Variants in NFE2L3 observed in about 807,000 individuals in gnomAD.
NFE2L3 encodes nuclear factor erythroid 2-related factor 3.
A neutral mutation model predicts 23.5 loss-of-function variants in NFE2L3; 18 were observed. That is an observed-to-expected ratio of 0.77 (90% CI 0.53 to 1.13). The LOEUF is 1.13. Among genes scored for constraint, NFE2L3 ranks in the 50% most tolerant of loss-of-function variants. The pLI is 0.00. For missense variants in NFE2L3, 1,152 were observed against 877.2 expected (o/e 1.31, Z -3.96); for synonymous variants, 424 against 354.5 (o/e 1.20, Z -2.20).
Position 26,184,554 on chromosome 7 carries a change from C to T in NFE2L3, c.856C>T (p.Pro286Ser). The T allele has an allele frequency of 6.2e-7, 1 of 1,611,492 alleles. No individual in the cohort carries two copies. The highest frequency in any genetic ancestry group is 8.5e-7 in the Non-Finnish European group (1 of 1,178,370). Residue 286 changes from proline (P) to serine (S), a missense_variant, in exon 4 of 4, where the codon CCT (proline) becomes TCT (serine). Coordinates refer to ENST00000056233, the MANE Select transcript of NFE2L3 (RefSeq NM_004289.7). ...TCAGGGCATCTCATTGGGAGATATT[C>T]CTCTTCCAGGCAGTATCAGTGATGG... ...SLEGISLGDI[P>S]LPGSISDGMN... is the part of the protein sequence containing the mutation.
At chr7:26,159,091 T>G (rs1032036786) in intron 1 of NFE2L3, among the ~76,000 whole-genome samples, 1 of 152,142 alleles carries the variant, frequency 6.6e-6, no homozygotes, top group African/African-American at 2.4e-5. Flanking sequence ...GTGGGATGCC[T>G]CCTCTAGCTC....
intron 1 of NFE2L3, among the ~76,000 whole-genome samples, chr7:26,166,930 G>A (rs1050261371): frequency 6.6e-6 from 1 of 152,144 alleles, no homozygotes; most frequent in Non-Finnish European, 1.5e-5. Context: ...TCCTCCAGAT[G>A]AATAAATGAA....
intron 1 of NFE2L3, among the ~76,000 whole-genome samples, chr7:26,165,298 A>G (rs890207782): frequency 2.0e-5 from 3 of 152,282 alleles, no homozygotes; most frequent in East Asian, 1.9e-4. Context: ...ATGTTCTTCC[A>G]TTTGTTTGTG....
rs556162447 is a variant in NFE2L3, at chr7:26,153,575, C to A, written c.570+507C>A. Among the ~76,000 whole-genome samples the A allele has an allele frequency of 3.3e-5, 5 of 152,344 alleles. No homozygotes were observed. The South Asian group carries it at 1.0e-3, about 32-fold the overall frequency. On this transcript the variant is annotated intron_variant, in intron 1 of 3. Coordinates refer to ENST00000056233, the MANE Select transcript of NFE2L3 (RefSeq NM_004289.7). ...TTGCTGCTTCCCTGGATTAAGGAGCCATGGTCAGGGTCTATTCAGAGGCCA... is the reference window on the plus strand; with the variant it reads ...TTGCTGCTTCCCTGGATTAAGGAGCAATGGTCAGGGTCTATTCAGAGGCCA...
rs764307829 is a variant in NFE2L3, at chr7:26,185,619, C to A, written c.1921C>A (p.Leu641Ile). 6.2e-7 allele frequency: 1 copy of A among 1,613,702 alleles called. No homozygotes were observed. The highest frequency in any genetic ancestry group is 1.3e-5 in the African/African-American group (1 of 74,866). The change falls in exon 4 of 4, where the codon CTT becomes ATT. Residue 641 changes from leucine to isoleucine, a missense_variant. Coordinates refer to ENST00000056233, the MANE Select transcript of NFE2L3 (RefSeq NM_004289.7). ...INIMKQKLHD[L>I]YHDIFSRLRD... ...CATAATGAAACAGAAACTGCATGAC[C>A]TTTATCATGATATTTTTAGTAGATT... is the stretch of plus-strand genomic sequence containing the variant.
chr7:26,152,477 C>T lies in NFE2L3; in HGVS notation c.-22C>T. On this transcript the variant is annotated 5_prime_UTR_variant, in exon 1 of 4. Transcript: ENST00000056233. This position sits in a 1 kb window ranked among gnomAD's most constrained non-coding sequence, Gnocchi z 4.4. The stretch of plus-strand genomic sequence containing the variant: ...CGGGACCCGCGGGCGCCGGCAGGGG[C>T]GTTCCCGGGCGCGCGGCGGCGATGA... The T allele has an allele frequency of 7.8e-7, 1 of 1,281,460 alleles. No homozygotes were observed. The highest frequency in any genetic ancestry group is 2.9e-5 in the South Asian group (1 of 34,116). The allele number at this position is 1,281,460 out of a possible 1,614,324, so 79.4% of individuals were successfully genotyped here. A position where few individuals can be genotyped will look rare whatever the true frequency, so the allele number is the denominator to read the frequency against.
rs1347976467 is a variant in NFE2L3 at position 26,183,935 on chromosome 7, T to C, written c.834+151T>C. ...TTCAGCTTAGAATTAACCAAATATGTATAGCATTCCTCTTTCCAAATAATC... is the reference window on the plus strand; with the variant it reads ...TTCAGCTTAGAATTAACCAAATATGCATAGCATTCCTCTTTCCAAATAATC... On this transcript the variant is annotated intron_variant, in intron 3 of 3. Coordinates refer to ENST00000056233, the MANE Select transcript of NFE2L3 (RefSeq NM_004289.7). 13 of 587,446 alleles carry C rather than the reference T, an allele frequency of 2.2e-5. No homozygotes were observed. In the East Asian group the frequency reaches 3.4e-4, roughly 16 times the overall value. 36.4% of individuals were successfully genotyped at this position (587,446 alleles called of 1,614,324 possible).
intron 1 of NFE2L3, among the ~76,000 whole-genome samples, chr7:26,172,524 TAC>T (rs1784341656): frequency 6.6e-6 from 1 of 152,238 alleles, no homozygotes; most frequent in South Asian, 2.1e-4. Flanking sequence ...CTATCTAATC[TAC>T]AGTCCATTTT....
rs147034777 is a variant in NFE2L3 at position 26,180,952 on chromosome 7, C to T, written c.751-2749C>T. On this transcript the variant is annotated intron_variant, in intron 2 of 3. Transcript: ENST00000056233. ...AGCCTGAGCATTTACGTCACATCTT[C>T]GTGTACTTAACACTTTTTTTTTTTT... Among the ~76,000 whole-genome samples, 720 of 151,996 alleles carry T rather than the reference C, an allele frequency of 4.7e-3. 6 individuals are homozygous for T. Among genetic ancestry groups the T allele is most frequent in the African/African-American group, 0.017 (689 of 41,444 alleles).
intron 1 of NFE2L3, among the ~76,000 whole-genome samples, chr7:26,154,696 G>T (rs1020195942): frequency 6.6e-6 from 1 of 152,112 alleles, no homozygotes; most frequent in East Asian, 1.9e-4. Context: ...GAGAACTGGC[G>T]TGCACCACCA....
intron 1 of NFE2L3, among the ~76,000 whole-genome samples, chr7:26,163,216 T>G (rs977920602): frequency 6.6e-6 from 1 of 152,214 alleles, no homozygotes; most frequent in African/African-American, 2.4e-5. Flanking sequence ...CATTGTTCCT[T>G]TCTTACTCTT....
At chr7:26,178,146 C>G in intron 2 of NFE2L3, 24 bp downstream of exon 2, 6 of 1,590,692 alleles carry the variant, frequency 3.8e-6, no homozygotes, top group Non-Finnish European at 5.1e-6. Context: ...AATATTCAAG[C>G]CTTGCCGTTT....
At position 26,184,779 on chromosome 7, in the gene NFE2L3, T is replaced by A. The variant is rs767517232; in HGVS notation, c.1081T>A (p.Leu361Met). 9 of 1,613,818 alleles carry A rather than the reference T, an allele frequency of 5.6e-6. No homozygotes were observed. Among genetic ancestry groups the A allele is most frequent in the Non-Finnish European group, 7.6e-6 (9 of 1,179,842 alleles). ...TGAGCAAACCCTTCCTGGAACTAAT[T>A]TGACAGGATTTCTTTCACCGGTTGA... ...NPEQTLPGTN[L>M]TGFLSPVDNH... The change falls in exon 4 of 4, where the codon TTG (leucine) becomes ATG (methionine). Residue 361 changes from leucine to methionine, a missense_variant. By Grantham distance (15) the Leu-to-Met change is conservative (BLOSUM62 2). Transcript: ENST00000056233.
intron 1 of NFE2L3, among the ~76,000 whole-genome samples, chr7:26,161,653 C>T (rs1373501884): frequency 6.6e-6 from 1 of 151,992 alleles, no homozygotes; most frequent in Non-Finnish European, 1.5e-5. Flanking sequence ...AGGCTCAGAG[C>T]AGTTAAAAAA....
rs1172332167 is a variant in NFE2L3 at position 26,152,700 on chromosome 7, TG to T, written c.207del (p.Arg70AlafsTer126). On this transcript the variant is annotated frameshift_variant, in exon 1 of 4. Transcript: ENST00000056233. LOFTEE classifies it high-confidence loss of function. The surrounding 1 kb of genome is among the most constrained non-coding windows in gnomAD (Gnocchi z 4.4). ...ALSPFSASGG[W>X]GRAGHLHPKG... ...CAGCCCCTTCTCGGCCTCGGGAGGG[TG>T]GGGGCGCGCGGGCCACTTGCACCCC... 6 of 1,476,486 alleles carry T rather than the reference TG, an allele frequency of 4.1e-6. No homozygotes were observed. Among genetic ancestry groups the T allele is most frequent in the Admixed American group, 2.3e-5 (1 of 44,006 alleles). 91.5% of individuals were successfully genotyped at this position (1,476,486 alleles called of 1,614,324 possible).
chr7:26,174,746 G>C (rs1784373409), intron 1 of NFE2L3: 1 of 152,134 alleles, frequency 6.6e-6, no homozygotes, highest in Non-Finnish European at 1.5e-5. Flanking sequence ...TTTTTCTGTG[G>C]TTTGGTGGGA....
At chr7:26,163,253 T>C (rs1418663404) in intron 1 of NFE2L3, among the ~76,000 whole-genome samples, 1 of 152,236 alleles carries the variant, frequency 6.6e-6, no homozygotes, top group East Asian at 1.9e-4. Context: ...CTCAAAACCG[T>C]CTGTAAATAT....
intron 1 of NFE2L3, among the ~76,000 whole-genome samples, chr7:26,159,473 C>T (rs1418817543): frequency 6.6e-6 from 1 of 152,202 alleles, no homozygotes; most frequent in African/African-American, 2.4e-5. Context: ...GAGACTGGGT[C>T]TTGGCTTTCA....
In NFE2L3 at chr7:26,184,857, A is replaced by C. The variant is rs1583941806; in HGVS notation, c.1159A>C (p.Asn387His). 5.0e-6 allele frequency: 8 copies of C among 1,613,950 alleles called. No individual in the cohort carries two copies. The highest frequency in any genetic ancestry group is 6.8e-6 in the Non-Finnish European group (8 of 1,179,840). ...SQDLLYDLDINIFDEINLMSL... is the reference protein window; with the variant it reads ...SQDLLYDLDIHIFDEINLMSL... ...AGACCTACTGTATGACCTTGACATAAATATATTTGATGAGATAAACTTAAT... is the reference window on the plus strand; with the variant it reads ...AGACCTACTGTATGACCTTGACATACATATATTTGATGAGATAAACTTAAT... Residue 387 changes from asparagine to histidine, a missense_variant, in exon 4 of 4, where the codon AAT becomes CAT. By Grantham distance (68) the Asn-to-His change is moderately conservative. Coordinates refer to ENST00000056233, the MANE Select transcript of NFE2L3 (RefSeq NM_004289.7).
Sources: gnomAD v4.1 joint callset for allele counts (sites outside exome capture counted in the v4.1 genomes callset) on GRCh38, gnomAD v4.1.1 for gene constraint, Gnocchi (gnomAD v3.1) non-coding constraint, MANE v1.5 for transcripts, NCBI Gene and HGNC (gene_info 2026-07-23, HGNC 2026-07-21) for gene names.